GABRA3: variants seen among roughly 807,000 people sequenced by gnomAD.
GABRA3 encodes gamma-aminobutyric acid receptor subunit alpha-3.
Under a neutral mutation model 30.1 loss-of-function variants are expected in GABRA3, and 10 were observed. The ratio of observed to expected loss-of-function variants is 0.33; its 90% CI spans 0.20 to 0.56. The LOEUF (loss-of-function observed/expected upper bound fraction) is 0.56. Among genes scored for constraint, GABRA3 ranks in the 20% least tolerant of loss-of-function variants. GABRA3 has a pLI of 0.89. For synonymous variants in GABRA3, 151 were observed against 146.8 expected, an observed-to-expected ratio of 1.03 and a Z score of -0.21; for missense variants, 233 against 392.0, an observed-to-expected ratio of 0.59 and a Z score of 3.42.
intron 1 of GABRA3, among the ~76,000 whole-genome samples, chrX:152,420,298 A>C (rs1457512791): frequency 9.0e-6 from 1 of 111,362 alleles, no homozygotes; most frequent in Non-Finnish European, 1.9e-5. Flanking sequence ...AAAATATGAA[A>C]TTTGTAAAAA....
At chrX:152,431,091 A>C (rs1930641244) in intron 1 of GABRA3, among the ~76,000 whole-genome samples, 1 of 112,106 alleles carries the variant, frequency 8.9e-6, no homozygotes. Flanking sequence ...AATATCCTAC[A>C]TGTTTCAAGA....
At chrX:152,388,606 A>G (rs1161405147) in intron 1 of GABRA3, among the ~76,000 whole-genome samples, 1 of 112,558 alleles carries the variant, frequency 8.9e-6, no homozygotes, top group African/African-American at 3.2e-5. Context: ...GTAGATATCC[A>G]TAGTGAAGTA....
chrX:152,205,403 C>T (rs1475663297), intron 7 of GABRA3, among the ~76,000 whole-genome samples: 1 of 111,486 alleles, frequency 9.0e-6, no homozygotes, highest in African/African-American at 3.3e-5. Context: ...GAGCAAAATG[C>T]TATAGGGAAA....
intron 9 of GABRA3, among the ~76,000 whole-genome samples, chrX:152,174,205 G>A (rs1400891014): frequency 9.0e-6 from 1 of 110,884 alleles, no homozygotes; most frequent in African/African-American, 3.3e-5. Context: ...GGACATTTGG[G>A]TTGGTTCCAA....
At chrX:152,268,141 T>C (rs1350781220) in intron 4 of GABRA3, among the ~76,000 whole-genome samples, 3 of 111,171 alleles carry the variant, frequency 2.7e-5, no homozygotes, top group African/African-American at 9.8e-5. Context: ...CTCTTAGTAC[T>C]GCTTTTACTG....
chrX:152,191,806 C>T (rs750193057), intron 8 of GABRA3, among the ~76,000 whole-genome samples: 2 of 111,162 alleles, frequency 1.8e-5, no homozygotes, highest in East Asian at 5.7e-4. Context: ...TACCTTTGCA[C>T]CAACTAGGCA....
intron 5 of GABRA3, among the ~76,000 whole-genome samples, chrX:152,236,494 C>A (rs1299626726): frequency 1.1e-5 from 1 of 92,299 alleles, no homozygotes; most frequent in South Asian, 6.2e-4. Flanking sequence ...ATTTATAGTC[C>A]TTTGGGTATA....
At chrX:152,288,630 C>A (rs898952476) in intron 3 of GABRA3, among the ~76,000 whole-genome samples, 3 of 111,946 alleles carry the variant, frequency 2.7e-5, no homozygotes, top group Non-Finnish European at 5.6e-5. Context: ...CCACTCACCA[C>A]TTCAGCTCCT....
intron 5 of GABRA3, among the ~76,000 whole-genome samples, chrX:152,241,022 G>C (rs1938352341): frequency 9.2e-6 from 1 of 108,800 alleles, no homozygotes; most frequent in Non-Finnish European, 1.9e-5. Context: ...ATCCAGCTTT[G>C]TTCCGTTGCT....
At chrX:152,441,658 A>C in intron 1 of GABRA3, among the ~76,000 whole-genome samples, 1 of 112,009 alleles carries the variant, frequency 8.9e-6, no homozygotes, top group Non-Finnish European at 1.9e-5. Context: ...CAAATAGATT[A>C]ATGAAACACA....
In GABRA3 at chrX:152,302,053, T is replaced by C. The variant is rs6627573; in HGVS notation, c.263-17318A>G. Among the ~76,000 whole-genome samples the C allele has an allele frequency of 5.9e-4, 66 of 111,300 alleles. 4 individuals are homozygous for C. The East Asian group carries it at 8.1e-3, about 14-fold the overall frequency. On this transcript the variant is annotated intron_variant, in intron 3 of 9. Transcript: ENST00000370314. ...ATCTCATATTATAAAGAAATATTTC[T>C]AAAAAGACAATATATGAATTAGAAT...
intron 5 of GABRA3, among the ~76,000 whole-genome samples, chrX:152,238,240 A>T (rs1370034840): frequency 3.0e-5 from 3 of 99,141 alleles, no homozygotes; most frequent in African/African-American, 8.4e-5. Context: ...TTCTGCATCT[A>T]TTGAGATAAT....
intron 8 of GABRA3, among the ~76,000 whole-genome samples, chrX:152,195,849 C>G (rs953089084): frequency 9.0e-6 from 1 of 111,414 alleles, no homozygotes; most frequent in Non-Finnish European, 1.9e-5. Context: ...TCCCAAGTTC[C>G]AGGGACTAGA....
intron 4 of GABRA3, among the ~76,000 whole-genome samples, chrX:152,273,033 T>C (rs1938975713): frequency 9.0e-6 from 1 of 111,336 alleles, no homozygotes; most frequent in South Asian, 3.7e-4. Context: ...TAACACACCA[T>C]CTGACAAGGG....
chrX:152,248,939 T>C (rs1017799350), intron 5 of GABRA3, among the ~76,000 whole-genome samples: 1 of 111,896 alleles, frequency 8.9e-6, no homozygotes, highest in Non-Finnish European at 1.9e-5. Context: ...GTAAATACAA[T>C]TTTATATGTC....
chrX:152,418,508 G>A (rs1389528635), intron 1 of GABRA3, among the ~76,000 whole-genome samples: 1 of 111,483 alleles, frequency 9.0e-6, no homozygotes, highest in African/African-American at 3.3e-5. Context: ...CAAAATTTCT[G>A]GGATACAACA....
At chrX:152,438,307 C>G (rs748700013) in intron 1 of GABRA3, among the ~76,000 whole-genome samples, 1 of 112,018 alleles carries the variant, frequency 8.9e-6, no homozygotes, top group Admixed American at 9.5e-5. Context: ...GTAGACAACA[C>G]CAAATGCTAG....
At chrX:152,249,435 T>C (rs1034998379) in intron 5 of GABRA3, among the ~76,000 whole-genome samples, 3 of 111,551 alleles carry the variant, frequency 2.7e-5, no homozygotes, top group African/African-American at 9.8e-5. Context: ...GTTCAACACA[T>C]AGTATACTAC....
At chrX:152,421,134 A>ACACACAC (rs1569421972) in intron 1 of GABRA3, among the ~76,000 whole-genome samples, 1 of 103,130 alleles carries the variant, frequency 9.7e-6, no homozygotes, top group African/African-American at 3.6e-5. Flanking sequence ...CACACACACA[A>ACACACAC]GGCACCTATA....
Sources: gnomAD v4.1 joint callset for allele counts (sites outside exome capture counted in the v4.1 genomes callset) on GRCh38, gnomAD v4.1.1 for gene constraint, MANE v1.5 for transcripts, NCBI Gene and HGNC (gene_info 2026-07-23, HGNC 2026-07-21) for gene names.